Variants in ITGAX observed in about 807,000 individuals in gnomAD.
The protein encoded by ITGAX is integrin alpha-X.
ITGAX carries 99 observed loss-of-function variants against 140.2 expected under a neutral mutation model. The ratio of observed to expected loss-of-function variants is 0.71; its 90% CI spans 0.60 to 0.83. The LOEUF (loss-of-function observed/expected upper bound fraction) is 0.83, where lower values mean the gene tolerates loss of function less well. ITGAX is among the 40% of genes least tolerant of loss of function. The pLI, the probability that ITGAX is intolerant of heterozygous loss-of-function variation, is 0.00. For missense variants in ITGAX, 1,444 were observed against 1,482.0 expected (o/e 0.97, Z 0.42); for synonymous variants, 631 against 600.4 (o/e 1.05, Z -0.75).
At chr16:31,355,433 G>A (rs2080748546) in intron 1 of ITGAX, 142 bp downstream of exon 1, 4 of 863,332 alleles carry the variant, frequency 4.6e-6, no homozygotes, top group South Asian at 3.2e-5. Flanking sequence ...CAGGCACATA[G>A]GGTCTGAGAT....
intron 23 of ITGAX, 76 bp from the exon 24 acceptor site, chr16:31,379,492 C>A (rs781547210): frequency 2.9e-5 from 41 of 1,393,702 alleles, no homozygotes; most frequent in Admixed American, 4.0e-5. Flanking sequence ...ACCACCTGTC[C>A]TCTCATGCTC....
At chr16:31,356,832 T>C in intron 3 of ITGAX, 104 bp downstream of exon 3, 2 of 919,722 alleles carry the variant, frequency 2.2e-6, no homozygotes, top group South Asian at 3.1e-5. Flanking sequence ...CCACTGTGTC[T>C]GAGACCCTCA....
intron 20 of ITGAX, 28 bp downstream of exon 20, chr16:31,373,418 G>T (rs1197419639): frequency 6.3e-7 from 1 of 1,597,560 alleles, no homozygotes; most frequent in Admixed American, 1.7e-5. Context: ...GGAGGAGGAG[G>T]CAGGGCTGGG....
At chr16:31,370,801 C>T (rs758482275) in intron 14 of ITGAX, among the ~76,000 whole-genome samples, 3 of 152,152 alleles carry the variant, frequency 2.0e-5, no homozygotes, top group African/African-American at 4.8e-5. Context: ...CCCACGGCCT[C>T]GTGGCTCATA....
intron 14 of ITGAX, among the ~76,000 whole-genome samples, chr16:31,369,746 C>CT (rs2080936048): frequency 6.6e-6 from 1 of 152,054 alleles, no homozygotes; most frequent in Non-Finnish European, 1.5e-5. Flanking sequence ...GTAAATTTCT[C>CT]TTTTTATTTT....
At chr16:31,373,027 A>T (rs1036425929) in intron 19 of ITGAX, among the ~76,000 whole-genome samples, 2 of 152,064 alleles carry the variant, frequency 1.3e-5, no homozygotes, top group Admixed American at 6.6e-5. Context: ...CTGGAGTTGG[A>T]GGCTGCAGTG....
intron 2 of ITGAX, chr16:31,356,285 CTTTT>C: frequency 2.3e-6 from 1 of 436,638 alleles, no homozygotes; most frequent in Non-Finnish European, 4.1e-6. Flanking sequence ...TTTTTTCTTT[CTTTT>C]TTTCTATACA....
chr16:31,361,948 G>A (rs756810099), intron 10 of ITGAX, 39 bp downstream of exon 10: 14 of 1,613,092 alleles, frequency 8.7e-6, no homozygotes, highest in Middle Eastern at 1.6e-4. Context: ...TGCCGTGAGG[G>A]GAGGGGGAGC....
chr16:31,357,746 T>C (rs1366294745), intron 5 of ITGAX: 1 of 431,026 alleles, frequency 2.3e-6, no homozygotes, highest in Non-Finnish European at 4.0e-6. Flanking sequence ...ATCCAATGGG[T>C]CCTGGGATAT....
intron 12 of ITGAX, 49 bp downstream of exon 12, chr16:31,362,802 C>G (rs760086955): frequency 6.2e-7 from 1 of 1,610,326 alleles, no homozygotes; most frequent in Non-Finnish European, 8.5e-7. Context: ...GGGGAGGTGG[C>G]TGGGGCAGAG....
intron 29 of ITGAX, 99 bp from the exon 30 acceptor site, chr16:31,381,704 C>T: frequency 1.3e-6 from 1 of 775,286 alleles, no homozygotes; most frequent in East Asian, 2.5e-5. Context: ...TTGAACCTAG[C>T]AAGGATTTCA....
In ITGAX at chr16:31,363,296, A is replaced by ATC; in HGVS notation, c.1632_1633insTC (p.Gly545SerfsTer45). On this transcript the variant is annotated frameshift_variant, in exon 14 of 30. Coordinates refer to ENST00000268296, the MANE Select transcript of ITGAX (RefSeq NM_000887.5). LOFTEE classifies it high-confidence loss of function. ...TGACAGACGTGGTCATCGGGGCCCCAGGAGAGGAGGAGAACCGGGGTGCTG... is the reference window on the plus strand; with the variant it reads ...TGACAGACGTGGTCATCGGGGCCCCATCGGAGAGGAGGAGAACCGGGGTGCTG... The ATC allele has an allele frequency of 1.2e-6, 2 of 1,612,886 alleles. No individual in the cohort carries two copies. The highest frequency in any genetic ancestry group is 2.2e-5 in the South Asian group (2 of 91,076).
At position 31,382,675 on chromosome 16, in the gene ITGAX, G is replaced by A. The variant is rs2081080510; in HGVS notation, c.*768G>A. 21 of 614,986 alleles carry A rather than the reference G, an allele frequency of 3.4e-5. No individual in the cohort carries two copies. In the South Asian group the frequency reaches 3.6e-4, roughly 11 times the overall value. 38.1% of individuals were successfully genotyped at this position (614,986 alleles called of 1,614,324 possible). A position where few individuals can be genotyped will look rare whatever the true frequency, so the allele number is the denominator to read the frequency against. ...TCCGATTTCCCAGGCTGAATTGGGA[G>A]TGAGATGCCTGCATGCTGGGTTCTG... is the stretch of plus-strand genomic sequence containing the variant. On this transcript the variant is annotated 3_prime_UTR_variant, in exon 30 of 30. Coordinates refer to ENST00000268296, the MANE Select transcript of ITGAX (RefSeq NM_000887.5).
Position 31,376,663 on chromosome 16 carries a change from G to A in ITGAX, c.2509-136G>A, listed in dbSNP as rs533228424. ...ACAAACAAAAACATAAGCTTAAGGT[G>A]GGCTCCAGGAAGCTTTATCACTACT... On this transcript the variant is annotated intron_variant, in intron 20 of 29. Transcript: ENST00000268296. The A allele has an allele frequency of 6.8e-5, 49 of 722,384 alleles. No homozygotes were observed. The African/African-American group carries it at 7.2e-4, about 11-fold the overall frequency. 44.7% of individuals were successfully genotyped at this position (722,384 alleles called of 1,614,324 possible). A position where few individuals can be genotyped will look rare whatever the true frequency, so the allele number is the denominator to read the frequency against.
chr16:31,360,187 GCTGGGGCCTCTGGGTGGGA>G, intron 7 of ITGAX, 104 bp from the exon 8 acceptor site: 1 of 1,516,634 alleles, frequency 6.6e-7, no homozygotes, highest in Non-Finnish European at 8.9e-7. Context: ...CCCTTGCCAA[GCTGGGGCCTCTGGGTGGGA>G]CTGGGGCCTC....
chr16:31,372,284 A>G, intron 17 of ITGAX, 94 bp from the exon 18 acceptor site: 1 of 1,458,488 alleles, frequency 6.9e-7, no homozygotes, highest in Non-Finnish European at 9.2e-7. Context: ...GCCGCGCGGG[A>G]GCTGGGCAGA....
Position 31,361,874 on chromosome 16 carries a change from A to T in ITGAX, c.1051A>T (p.Met351Leu), listed in dbSNP as rs2080830093. 2 of 1,613,894 alleles carry T rather than the reference A, an allele frequency of 1.2e-6. No individual in the cohort carries two copies. Among genetic ancestry groups the T allele is most frequent in the Non-Finnish European group, 1.7e-6 (2 of 1,179,984 alleles). Residue 351 changes from methionine (M) to leucine (L), a missense_variant, in exon 10 of 30, where the codon ATG becomes TTG. Transcript: ENST00000268296. ...AAGCAGTAGCTCCTTCGAATTGGAG[A>T]TGGCACAGGAGGGCTTCAGCGCTGT... ...TTSSSSFELE[M>L]AQEGFSAVFT... is the part of the protein sequence containing the mutation.
rs199585114 is a variant in ITGAX, at chr16:31,381,938, C to T, written c.*31C>T. 35 of 1,119,394 alleles carry T rather than the reference C, an allele frequency of 3.1e-5. No individual in the cohort carries two copies. Among genetic ancestry groups the T allele is most frequent in the Admixed American group, 8.4e-5 (5 of 59,224 alleles). 69.3% of individuals were successfully genotyped at this position (1,119,394 alleles called of 1,614,324 possible). ...TCTTTGCCTTGGACTTCTTCTCCCC[C>T]GCGAGTTTTCCCCACTTACTTACCC... On this transcript the variant is annotated 3_prime_UTR_variant, in exon 30 of 30. Coordinates refer to ENST00000268296, the MANE Select transcript of ITGAX (RefSeq NM_000887.5).
At position 31,355,214 on chromosome 16, in the gene ITGAX, A is replaced by G; in HGVS notation, c.-41A>G. The G allele has an allele frequency of 6.2e-7, 1 of 1,612,336 alleles. No individual in the cohort carries two copies. The highest frequency in any genetic ancestry group is 8.5e-7 in the Non-Finnish European group (1 of 1,178,964). On this transcript the variant is annotated 5_prime_UTR_variant, in exon 1 of 30. Coordinates refer to ENST00000268296, the MANE Select transcript of ITGAX (RefSeq NM_000887.5). ...GTACCTTGGTCCAGCTCTTCCTGCA[A>G]CGGCCCAGGAGCTCAGAGCTCCACA...
Sources: allele counts gnomAD v4.1 joint callset (sites outside exome capture counted in the v4.1 genomes callset), GRCh38; gene constraint gnomAD v4.1.1; transcripts MANE v1.5; gene names NCBI Gene and HGNC (gene_info 2026-07-23, HGNC 2026-07-21).